Variants in PCYT2 observed in about 807,000 individuals in gnomAD.
The protein encoded by PCYT2 is phosphate cytidylyltransferase 2, ethanolamine.
In PCYT2, 33 loss-of-function variants were observed where a neutral mutation model predicts 50.0. That is an observed-to-expected ratio of 0.66 (90% CI 0.50 to 0.88). The LOEUF (loss-of-function observed/expected upper bound fraction) is 0.88, where lower values mean the gene tolerates loss of function less well. Ranked by LOEUF, PCYT2 falls within the 40% of genes least tolerant of loss-of-function variation. The probability of loss-of-function intolerance (pLI) is 0.00; values close to 1 mark genes in which losing one functional copy is unlikely to be tolerated. For synonymous variants in PCYT2, 240 were observed against 203.7 expected (o/e 1.18, Z -1.52); for missense variants, 430 against 519.7 (o/e 0.83, Z 1.68).
chr17:81,906,814 C>T lies in PCYT2; in HGVS notation c.622G>A (p.Glu208Lys). The change falls in exon 7 of 13, where the codon GAG becomes AAG. Residue 208 changes from glutamate (E) to lysine (K), a missense_variant. Physicochemically the swap from Glu to Lys is moderately conservative, Grantham distance 56. Transcript: ENST00000538936. ...ATGACTGTCTCCCCTGGCTGGGGCT[C>T]CTTCCCAGAAGCAAACTGGATGATC... ...QKIIQFASGKEPQPGETVIYV... is the reference protein window; with the variant it reads ...QKIIQFASGKKPQPGETVIYV... 6.2e-7 allele frequency: 1 copy of T among 1,613,512 alleles called. No individual in the cohort carries two copies. Among genetic ancestry groups the T allele is most frequent in the Non-Finnish European group, 8.5e-7 (1 of 1,179,978 alleles).
In PCYT2 at chr17:81,902,435, C is replaced by G. The variant is rs1010888812; in HGVS notation, c.*2398G>C. The G allele has an allele frequency of 4.4e-6, 6 of 1,353,218 alleles. No homozygotes were observed. Among genetic ancestry groups the G allele is most frequent in the African/African-American group, 3.1e-5 (2 of 64,932 alleles). The allele number at this position is 1,353,218 out of a possible 1,614,324, so 83.8% of individuals were successfully genotyped here. Reference sequence around the variant, plus strand: ...TCCGGCCTCCGCAGGTCCCCGTACGCGCGGCGCTCCCAGCCCTACAGAGGG... The same window carrying G: ...TCCGGCCTCCGCAGGTCCCCGTACGGGCGGCGCTCCCAGCCCTACAGAGGG... On this transcript the variant is annotated 3_prime_UTR_variant, in exon 13 of 13. Coordinates refer to ENST00000538936, the MANE Select transcript of PCYT2 (RefSeq NM_002861.5).
intron 4 of PCYT2, among the ~76,000 whole-genome samples, chr17:81,908,230 G>A (rs1029726561): frequency 3.3e-5 from 5 of 152,190 alleles, no homozygotes; most frequent in African/African-American, 4.8e-5. Context: ...CATCTCATGC[G>A]GGAGCCACTG....
At chr17:81,909,148 G>A (rs763626694) in intron 2 of PCYT2, 111 bp from the exon 3 acceptor site, 59 of 1,515,892 alleles carry the variant, frequency 3.9e-5, no homozygotes, top group Non-Finnish European at 4.8e-5. Context: ...GGTGGGGGCA[G>A]GCTGTCTCTC....
At chr17:81,906,977 T>C (rs1041303615) in intron 6 of PCYT2, 79 bp from the exon 7 acceptor site, 2 of 1,472,218 alleles carry the variant, frequency 1.4e-6, no homozygotes, top group South Asian at 2.5e-5. Context: ...AACCCTCAGC[T>C]GTCACCTGCC....
chr17:81,906,090 C>T lies in PCYT2; in HGVS notation c.837+10G>A, dbSNP rs951714599. ...CCCCATCCTTGGGCTGGCTCCTGGC[C>T]CCCACTCACCCGGCAGGCCAGCACG... On this transcript the variant is annotated intron_variant, in intron 9 of 12. Coordinates refer to ENST00000538936, the MANE Select transcript of PCYT2 (RefSeq NM_002861.5). 1.2e-6 allele frequency: 2 copies of T among 1,605,558 alleles called. No individual in the cohort carries two copies. The highest frequency in any genetic ancestry group is 1.7e-5 in the Admixed American group (1 of 58,862).
chr17:81,906,106 G>A lies in PCYT2; in HGVS notation c.831C>T (p.Ala277=). ...GCTCCTGGCCCCCACTCACCCGGCA[G>A]GCCAGCACGCTCAGAGTCCGTTCAT... ...NLHERTLSVL[A]CRYVSEVVIG... is the part of the protein sequence containing the mutation. Residue 277 remains alanine (A), a synonymous_variant, in exon 9 of 13, where the codon GCC becomes GCT. Transcript: ENST00000538936. 7 of 1,611,586 alleles carry A rather than the reference G, an allele frequency of 4.3e-6. No homozygotes were observed. Among genetic ancestry groups the A allele is most frequent in the Non-Finnish European group, 5.9e-6 (7 of 1,178,804 alleles).
chr17:81,908,488 C>T (rs1405646743), intron 4 of PCYT2, 80 bp downstream of exon 4: 2 of 1,130,172 alleles, frequency 1.8e-6, no homozygotes, highest in East Asian at 2.4e-5. Flanking sequence ...TCACGGGCTC[C>T]CGGTAAATAG....
intron 2 of PCYT2, chr17:81,909,284 G>A (rs1442171101): frequency 4.9e-6 from 7 of 1,429,526 alleles, no homozygotes; most frequent in East Asian, 2.5e-5. Context: ...TGGGAGCCTC[G>A]CTGGCAGTGG....
chr17:81,908,209 C>A (rs1038655784), intron 4 of PCYT2, among the ~76,000 whole-genome samples: 2 of 152,204 alleles, frequency 1.3e-5, no homozygotes, highest in Non-Finnish European at 2.9e-5. Flanking sequence ...TGAGTGAATT[C>A]TCAGCTGCAG....
chr17:81,905,294 C>A, intron 11 of PCYT2, 88 bp downstream of exon 11: 1 of 1,365,104 alleles, frequency 7.3e-7, no homozygotes, highest in Admixed American at 2.0e-5. Flanking sequence ...CCACCATGCC[C>A]GTTTCCCAGG....
intron 6 of PCYT2, chr17:81,907,227 G>C: frequency 6.5e-7 from 1 of 1,534,488 alleles, no homozygotes; most frequent in Non-Finnish European, 8.7e-7. Flanking sequence ...TCTGAGGAAA[G>C]TATGTCCCCG....
At chr17:81,910,494 G>T (rs2040530938) in intron 1 of PCYT2, among the ~76,000 whole-genome samples, 1 of 152,236 alleles carries the variant, frequency 6.6e-6, no homozygotes, top group African/African-American at 2.4e-5. Context: ...GGACAGGCTG[G>T]AGGGGAGGAG....
intron 2 of PCYT2, 37 bp downstream of exon 2, chr17:81,909,477 T>TG (rs1031804887): frequency 1.8e-5 from 29 of 1,575,694 alleles, no homozygotes; most frequent in Admixed American, 5.0e-5. Context: ...ACAGGAGGGC[T>TG]GGGGGGCCGC....
rs2040061216 is a variant in PCYT2 at position 81,903,449 on chromosome 17, A to G, written c.*1384T>C. On this transcript the variant is annotated 3_prime_UTR_variant, in exon 13 of 13. Coordinates refer to ENST00000538936, the MANE Select transcript of PCYT2 (RefSeq NM_002861.5). ...AGGCCCACCTCCGGGCCCAGGCAGCAGCACTGCAGGGCCTTTCTACCCTCC... is the reference window on the plus strand; with the variant it reads ...AGGCCCACCTCCGGGCCCAGGCAGCGGCACTGCAGGGCCTTTCTACCCTCC... 1 of 152,378 alleles carries G rather than the reference A, an allele frequency of 6.6e-6. No homozygotes were observed. The highest frequency in any genetic ancestry group is 1.5e-5 in the Non-Finnish European group (1 of 68,182). The allele number at this position is 152,378 out of a possible 1,614,324, so 9.4% of individuals were successfully genotyped here.
Position 81,902,823 on chromosome 17 carries a change from C to A in PCYT2, c.*2010G>T. ...ACTCGGTGACCCCAGGCCCCTCCGG[C>A]GCGGGATGGCGCCCCAGGTCTCCCC... On this transcript the variant is annotated 3_prime_UTR_variant, in exon 13 of 13. Coordinates refer to ENST00000538936, the MANE Select transcript of PCYT2 (RefSeq NM_002861.5). 7.4e-7 allele frequency: 1 copy of A among 1,354,146 alleles called. No individual in the cohort carries two copies. Among genetic ancestry groups the A allele is most frequent in the Non-Finnish European group, 9.9e-7 (1 of 1,007,344 alleles). The allele number at this position is 1,354,146 out of a possible 1,614,324, so 83.9% of individuals were successfully genotyped here.
rs2039942692 is a variant in PCYT2, at chr17:81,901,219, A to C, written c.*3614T>G. 6.6e-6 allele frequency: 1 copy of C among 152,164 alleles called. No individual in the cohort carries two copies. The highest frequency in any genetic ancestry group is 2.4e-5 in the African/African-American group (1 of 41,420). 9.4% of individuals were successfully genotyped at this position (152,164 alleles called of 1,614,324 possible). ...GAGGGCGGGAAGCATCCAGCATGGGAGAAAGATGGAGGCCAGATTCAGCCA... is the reference window on the plus strand; with the variant it reads ...GAGGGCGGGAAGCATCCAGCATGGGCGAAAGATGGAGGCCAGATTCAGCCA... On this transcript the variant is annotated 3_prime_UTR_variant, in exon 13 of 13. Coordinates refer to ENST00000538936, the MANE Select transcript of PCYT2 (RefSeq NM_002861.5).
intron 1 of PCYT2, 73 bp downstream of exon 1, chr17:81,911,194 C>G (rs925367946): frequency 2.0e-6 from 2 of 1,018,662 alleles, no homozygotes; most frequent in African/African-American, 1.7e-5. Context: ...GGTCCCCGGG[C>G]AACGGCTGGC....
In PCYT2 at chr17:81,902,252, C is replaced by T; in HGVS notation, c.*2581G>A. On this transcript the variant is annotated 3_prime_UTR_variant, in exon 13 of 13. Coordinates refer to ENST00000538936, the MANE Select transcript of PCYT2 (RefSeq NM_002861.5). ...GTGGCTGCTCCGAGCCCGGACGCCG[C>T]CGCCCACCAGTCAGCCGGCGTCCCC... The T allele has an allele frequency of 8.1e-7, 1 of 1,233,414 alleles. No homozygotes were observed. Among genetic ancestry groups the T allele is most frequent in the Non-Finnish European group, 1.0e-6 (1 of 988,940 alleles). 76.4% of individuals were successfully genotyped at this position (1,233,414 alleles called of 1,614,324 possible). A position where few individuals can be genotyped will look rare whatever the true frequency, so the allele number is the denominator to read the frequency against.
At chr17:81,907,746 G>C in intron 5 of PCYT2, 27 bp downstream of exon 5, 1 of 1,609,186 alleles carries the variant, frequency 6.2e-7, no homozygotes, top group Non-Finnish European at 8.5e-7. Context: ...CGACCCAGGG[G>C]CCTCGGGGAT....
Sources: gnomAD v4.1 joint callset for allele counts (sites outside exome capture counted in the v4.1 genomes callset) on GRCh38, gnomAD v4.1.1 for gene constraint, MANE v1.5 for transcripts, NCBI Gene and HGNC (gene_info 2026-07-23, HGNC 2026-07-21) for gene names.